Variants in TRIM29 observed in about 807,000 individuals in gnomAD.
TRIM29 encodes tripartite motif-containing protein 29.
In TRIM29, 52 loss-of-function variants were observed where a neutral mutation model predicts 57.3. The observed-to-expected ratio is 0.91, with a 90% CI of 0.73 to 1.14. The LOEUF is 1.14. Ranked by LOEUF, TRIM29 falls within the 50% of genes most tolerant of loss-of-function variation. The pLI, the probability that TRIM29 is intolerant of heterozygous loss-of-function variation, is 0.00. For synonymous variants in TRIM29, 319 were observed against 316.9 expected (o/e 1.01, Z -0.07); for missense variants, 753 against 774.6 (o/e 0.97, Z 0.33).
rs114735337 is a variant in TRIM29 at position 120,117,673 on chromosome 11, G to A, written c.1627+550C>T. ...CCCCCAACCCCAGGGGACAGGAGGC[G>A]TCAATCACTCTGCCTTGTCAGAGTG... On this transcript the variant is annotated intron_variant, in intron 7 of 8. Coordinates refer to ENST00000341846, the MANE Select transcript of TRIM29 (RefSeq NM_012101.4). The A allele has an allele frequency of 7.8e-3, 1,248 of 159,336 alleles. 22 individuals are homozygous for A. Among genetic ancestry groups the A allele is most frequent in the African/African-American group, 0.028 (1,174 of 41,568 alleles). 9.9% of individuals were successfully genotyped at this position (159,336 alleles called of 1,614,324 possible).
intron 4 of TRIM29, 189 bp from the exon 5 acceptor site, chr11:120,123,244 T>G (rs751035085): frequency 1.4e-6 from 1 of 698,284 alleles, no homozygotes; most frequent in Non-Finnish European, 2.6e-6. Flanking sequence ...GAGCTCTTGG[T>G]GGAGAAGGTG....
Position 120,112,280 on chromosome 11 carries a change from G to T in TRIM29, c.*134C>A. On this transcript the variant is annotated 3_prime_UTR_variant, in exon 9 of 9. Transcript: ENST00000341846. ...AGGCCGGAACTGCCCCCAAGAGGCT[G>T]GCAGAGGGCTGCAGAGGGCAGGTGC... is the stretch of plus-strand genomic sequence containing the variant. 1 of 1,026,508 alleles carries T rather than the reference G, an allele frequency of 9.7e-7. No homozygotes were observed. The highest frequency in any genetic ancestry group is 1.4e-6 in the Non-Finnish European group (1 of 696,302). 63.6% of individuals were successfully genotyped at this position (1,026,508 alleles called of 1,614,324 possible).
intron 8 of TRIM29, chr11:120,113,743 C>T: frequency 6.6e-6 from 3 of 452,806 alleles, no homozygotes; most frequent in South Asian, 4.7e-5. Flanking sequence ...GGTCTCCTGA[C>T]CCCCAGGGGC....
At chr11:120,130,011 C>T (rs949776896) in intron 1 of TRIM29, among the ~76,000 whole-genome samples, 1 of 152,100 alleles carries the variant, frequency 6.6e-6, no homozygotes, top group Non-Finnish European at 1.5e-5. Context: ...TGGAGAGAAG[C>T]CAGCAGCCAC....
chr11:120,130,593 G>A (rs908726339), intron 1 of TRIM29, among the ~76,000 whole-genome samples: 5 of 152,228 alleles, frequency 3.3e-5, no homozygotes, highest in African/African-American at 9.6e-5. Context: ...GCCCTGTCTG[G>A]TCCATGGGAG....
At chr11:120,114,544 C>T (rs1863218875) in intron 8 of TRIM29, among the ~76,000 whole-genome samples, 1 of 152,214 alleles carries the variant, frequency 6.6e-6, no homozygotes, top group South Asian at 2.1e-4. Flanking sequence ...CCACATGCCA[C>T]GGCAGTGGCC....
At chr11:120,132,029 A>G (rs544269007) in intron 1 of TRIM29, among the ~76,000 whole-genome samples, 1 of 151,654 alleles carries the variant, frequency 6.6e-6, no homozygotes, top group African/African-American at 2.4e-5. Flanking sequence ...GGTAAGGCCA[A>G]GCTTCAACAA....
chr11:120,125,576 T>A (rs914058449), intron 4 of TRIM29, 115 bp downstream of exon 4: 1 of 944,048 alleles, frequency 1.1e-6, no homozygotes, highest in Non-Finnish European at 1.5e-6. Flanking sequence ...GGTGGGTGGG[T>A]GGGTGGGAAC....
rs1428088884 is a variant in TRIM29, at chr11:120,112,335, C to T, written c.*79G>A. The T allele has an allele frequency of 3.2e-6, 5 of 1,567,314 alleles. No homozygotes were observed. In the Admixed American group the frequency reaches 6.8e-5, roughly 21 times the overall value. ...CCAGGCTCCCTCCCACCCAGACAAG[C>T]ACAGTAGCTTAGAAGGCAAGAGCAG... On this transcript the variant is annotated 3_prime_UTR_variant, in exon 9 of 9. Transcript: ENST00000341846.
rs1356122616 is a variant in TRIM29, at chr11:120,137,152, G to C, written c.804+76C>G. 2 of 1,526,212 alleles carry C rather than the reference G, an allele frequency of 1.3e-6. No homozygotes were observed. The highest frequency in any genetic ancestry group is 1.8e-5 in the Admixed American group (1 of 55,646). 94.5% of individuals were successfully genotyped at this position (1,526,212 alleles called of 1,614,324 possible). On this transcript the variant is annotated intron_variant, in intron 1 of 8. Coordinates refer to ENST00000341846, the MANE Select transcript of TRIM29 (RefSeq NM_012101.4). The surrounding 1 kb of genome is among the most constrained non-coding windows in gnomAD (Gnocchi z 6.2). ...AAGCCCCAAACCCGAGGAAGCCCGA[G>C]TGGAGAAGATGAAGTTCGGAGGGGT...
At chr11:120,117,826 G>A in intron 7 of TRIM29, 1 of 223,144 alleles carries the variant, frequency 4.5e-6, no homozygotes, top group Non-Finnish European at 9.0e-6. Context: ...CAGGATGCTG[G>A]CAGGTGCCCC....
At position 120,120,601 on chromosome 11, in the gene TRIM29, C is replaced by T. The variant is rs1157361046; in HGVS notation, c.1500G>A (p.Lys500=). The T allele has an allele frequency of 6.2e-7, 1 of 1,613,584 alleles. No homozygotes were observed. Among genetic ancestry groups the T allele is most frequent in the African/African-American group, 1.3e-5 (1 of 74,816 alleles). ...TGGTGCCATAGAGATTGTTGAAATT[C>T]TTCTGGGTGGTCTCCTTGGTGAAGC... is the stretch of plus-strand genomic sequence containing the variant. ...PGRFTKETTQ[K]NFNNLYGTKG... Residue 500 remains lysine, a synonymous_variant, in exon 6 of 9, where the codon AAG becomes AAA. Coordinates refer to ENST00000341846, the MANE Select transcript of TRIM29 (RefSeq NM_012101.4).
At position 120,137,701 on chromosome 11, in the gene TRIM29, G is replaced by C. The variant is rs200656007; in HGVS notation, c.331C>G (p.Leu111Val). The C allele has an allele frequency of 1.9e-6, 3 of 1,613,264 alleles. No homozygotes were observed. Among genetic ancestry groups the C allele is most frequent in the Admixed American group, 1.7e-5 (1 of 60,020 alleles). Residue 111 changes from leucine (L) to valine (V), a missense_variant, in exon 1 of 9, where the codon CTG (leucine) becomes GTG (valine). Leu to Val is a conservative substitution (Grantham distance 32). Transcript: ENST00000341846. The surrounding 1 kb of genome is among the most constrained non-coding windows in gnomAD (Gnocchi z 6.2). The part of the protein sequence containing the change: ...GKRSPYAGLQ[L>V]GAAKKPPVTF... ...ACGGGTGGCTTCTTGGCAGCCCCCA[G>C]CTGGAGCCCTGCGTACGGCGACCTC... is the stretch of plus-strand genomic sequence containing the variant.
chr11:120,120,933 T>C (rs1051578023), intron 5 of TRIM29: 2 of 539,910 alleles, frequency 3.7e-6, no homozygotes, highest in African/African-American at 3.8e-5. Flanking sequence ...CAGTAGGCTC[T>C]CAGCCACGTG....
At chr11:120,119,722 T>C (rs1863386712) in intron 6 of TRIM29, among the ~76,000 whole-genome samples, 1 of 152,028 alleles carries the variant, frequency 6.6e-6, no homozygotes, top group African/African-American at 2.4e-5. Context: ...CCCCTGACCC[T>C]CCAGTCTCCA....
intron 6 of TRIM29, among the ~76,000 whole-genome samples, 173 bp from the exon 7 acceptor site, chr11:120,118,494 C>A (rs775390553): frequency 1.3e-5 from 2 of 152,154 alleles, no homozygotes; most frequent in Non-Finnish European, 2.9e-5. Context: ...CCAAAGCTAT[C>A]TTTCTAAAAT....
intron 1 of TRIM29, among the ~76,000 whole-genome samples, chr11:120,129,678 C>G (rs977119624): frequency 6.6e-6 from 1 of 152,210 alleles, no homozygotes; most frequent in African/African-American, 2.4e-5. Context: ...AACAGGGGAC[C>G]TCCTGCAGGC....
intron 8 of TRIM29, chr11:120,113,750 G>C: frequency 2.2e-6 from 1 of 452,890 alleles, no homozygotes; most frequent in East Asian, 7.0e-5. Flanking sequence ...TGACCCCCAG[G>C]GGCCAGCCTG....
intron 8 of TRIM29, among the ~76,000 whole-genome samples, chr11:120,113,133 G>C (rs1226474189): frequency 1.3e-5 from 2 of 152,116 alleles, no homozygotes; most frequent in East Asian, 3.8e-4. Context: ...AGGGTGCAGA[G>C]AGGGTAAAGA....
Sources: allele counts gnomAD v4.1 joint callset (sites outside exome capture counted in the v4.1 genomes callset), GRCh38; gene constraint gnomAD v4.1.1; non-coding constraint Gnocchi (gnomAD v3.1); transcripts MANE v1.5; gene names NCBI Gene and HGNC (gene_info 2026-07-23, HGNC 2026-07-21).